Variants in TTC12 observed in about 807,000 individuals in gnomAD.
TTC12 encodes the protein tetratricopeptide repeat protein 12.
In TTC12, 70 loss-of-function variants were observed where a neutral mutation model predicts 90.1. The ratio of observed to expected loss-of-function variants is 0.78; its 90% CI spans 0.64 to 0.95. The LOEUF (loss-of-function observed/expected upper bound fraction) is 0.95. TTC12 is among the 40% of genes least tolerant of loss of function. TTC12 has a pLI of 0.00. For synonymous variants in TTC12, 296 were observed against 311.5 expected, an observed-to-expected ratio of 0.95 and a Z score of 0.53; for missense variants, 819 against 846.1, an observed-to-expected ratio of 0.97 and a Z score of 0.40.
chr11:113,359,956 T>G lies in TTC12; in HGVS notation c.1562T>G (p.Val521Gly). The G allele has an allele frequency of 6.3e-7, 1 of 1,597,340 alleles. No homozygotes were observed. Among genetic ancestry groups the G allele is most frequent in the Non-Finnish European group, 8.5e-7 (1 of 1,172,294 alleles). Reference protein sequence around the residue: ...PFVSEVWAVEVSRRCLSLLNS... With the variant: ...PFVSEVWAVEGSRRCLSLLNS... ...TTGTTGTAGGTTTGGGCTGTGGAGG[T>G]GAGCAGAAGGTGCCTGTCTTTACTA... The change falls in exon 18 of 22, where the codon GTG becomes GGG. Residue 521 changes from valine (V) to glycine (G), a missense_variant. Val to Gly is a moderately radical substitution (Grantham distance 109, BLOSUM62 -3). Transcript: ENST00000529221.
chr11:113,349,075 A>C (rs1478236881), intron 13 of TTC12, among the ~76,000 whole-genome samples: 1 of 152,240 alleles, frequency 6.6e-6, no homozygotes, highest in Non-Finnish European at 1.5e-5. Context: ...TGACCTCAGA[A>C]CTGACCACAT....
At chr11:113,333,025 G>A (rs1246747415) in intron 7 of TTC12, among the ~76,000 whole-genome samples, 5 of 152,058 alleles carry the variant, frequency 3.3e-5, no homozygotes, top group African/African-American at 1.2e-4. Flanking sequence ...CTAAGTGATT[G>A]TTCTGGTCTC....
chr11:113,349,284 T>G (rs1392095058), intron 13 of TTC12, among the ~76,000 whole-genome samples: 5 of 152,226 alleles, frequency 3.3e-5, no homozygotes, highest in Non-Finnish European at 7.3e-5. Context: ...AGACAGTTTA[T>G]CTTATTTATT....
intron 11 of TTC12, 129 bp downstream of exon 11, chr11:113,340,862 G>C (rs1271961096): frequency 8.0e-6 from 6 of 752,598 alleles, no homozygotes; most frequent in African/African-American, 1.7e-5. Context: ...GTAGTGGGGG[G>C]CTCTCCAGGA....
At chr11:113,320,627 G>C (rs1947252754) in intron 2 of TTC12, among the ~76,000 whole-genome samples, 1 of 152,224 alleles carries the variant, frequency 6.6e-6, no homozygotes, top group Non-Finnish European at 1.5e-5. Context: ...CTGGGCAAGA[G>C]CTCGGGATAC....
chr11:113,362,278 A>AT (rs1249136673), intron 18 of TTC12, 123 bp from the exon 19 acceptor site: 3 of 670,452 alleles, frequency 4.5e-6, no homozygotes, highest in South Asian at 3.8e-5. Context: ...TGGCCATCAT[A>AT]TTTTTTATAT....
intron 7 of TTC12, among the ~76,000 whole-genome samples, chr11:113,331,585 G>A (rs1555142580): frequency 6.6e-6 from 1 of 152,162 alleles, no homozygotes; most frequent in African/African-American, 2.4e-5. Flanking sequence ...TAATCCCTGG[G>A]TGTGGATGTC....
chr11:113,334,463 T>C (rs1215553824), intron 7 of TTC12, among the ~76,000 whole-genome samples: 1 of 152,128 alleles, frequency 6.6e-6, no homozygotes, highest in African/African-American at 2.4e-5. Context: ...TCCACTAAGA[T>C]ATAATGGTAA....
chr11:113,362,507 G>T lies in TTC12; in HGVS notation c.1716+5G>T, dbSNP rs1555155682. ...AAAATGATGAAATTCCTGAAGGTAAGATCACTTTATTGGTTACAACCCCTG... is the reference window on the plus strand; with the variant it reads ...AAAATGATGAAATTCCTGAAGGTAATATCACTTTATTGGTTACAACCCCTG... On this transcript the variant is annotated splice_donor_5th_base_variant and intron_variant, in intron 19 of 21. Transcript: ENST00000529221. The T allele has an allele frequency of 6.3e-7, 1 of 1,589,022 alleles. No individual in the cohort carries two copies. The highest frequency in any genetic ancestry group is 1.1e-5 in the South Asian group (1 of 90,420).
At chr11:113,359,495 G>C in intron 17 of TTC12, 34 bp downstream of exon 17, 6 of 1,425,472 alleles carry the variant, frequency 4.2e-6, no homozygotes, top group Non-Finnish European at 4.0e-6. Context: ...CTGGAGCCCT[G>C]GGACAACCTG....
At chr11:113,367,441 C>T (rs773586527), downstream of TTC12, among the ~76,000 whole-genome samples, 5 of 152,150 alleles carry the variant, frequency 3.3e-5, no homozygotes, top group South Asian at 2.1e-4. Context: ...TAAAGTACTA[C>T]GCAAATATAA....
At chr11:113,320,714 G>A (rs1390785848) in intron 2 of TTC12, among the ~76,000 whole-genome samples, 1 of 152,244 alleles carries the variant, frequency 6.6e-6, no homozygotes. Context: ...GTCGTCCGCA[G>A]ATGGCAGGGC....
intron 16 of TTC12, among the ~76,000 whole-genome samples, chr11:113,354,873 G>T (rs578188160): frequency 6.6e-6 from 1 of 150,772 alleles, no homozygotes. Context: ...ATTTTGTTGA[G>T]GATATTTGCA....
At chr11:113,364,712 G>A (rs1950111680) in intron 20 of TTC12, 123 bp from the exon 21 acceptor site, 1 of 720,524 alleles carries the variant, frequency 1.4e-6, no homozygotes, top group Non-Finnish European at 2.4e-6. Flanking sequence ...AACAAGTTCT[G>A]CTGCAGAGTT....
chr11:113,339,661 C>T (rs1948575642), intron 10 of TTC12, 187 bp downstream of exon 10: 1 of 560,592 alleles, frequency 1.8e-6, no homozygotes, highest in African/African-American at 1.9e-5. Context: ...ATCCTCTCTA[C>T]AGAGCATGCG....
At chr11:113,350,406 G>T (rs1386383320) in intron 14 of TTC12, among the ~76,000 whole-genome samples, 1 of 152,174 alleles carries the variant, frequency 6.6e-6, no homozygotes, top group Non-Finnish European at 1.5e-5. Flanking sequence ...CATACTTAAA[G>T]CAGTGCCTCT....
At chr11:113,349,278 A>T (rs1011766490) in intron 13 of TTC12, among the ~76,000 whole-genome samples, 10 of 152,198 alleles carry the variant, frequency 6.6e-5, no homozygotes, top group African/African-American at 2.4e-4. Flanking sequence ...CACCTAAGAC[A>T]GTTTATCTTA....
chr11:113,363,669 G>T (rs921018849), intron 19 of TTC12, among the ~76,000 whole-genome samples, 159 bp from the exon 20 acceptor site: 2 of 152,204 alleles, frequency 1.3e-5, no homozygotes, highest in Non-Finnish European at 2.9e-5. Context: ...TTCCAGCAGG[G>T]ACCATGCCTG....
At chr11:113,330,055 T>C (rs1341545767) in intron 7 of TTC12, 76 bp downstream of exon 7, 1 of 1,136,762 alleles carries the variant, frequency 8.8e-7, no homozygotes, top group Non-Finnish European at 1.3e-6. Context: ...TGTATCAAGA[T>C]AGGAAAGGGT....
Sources: gnomAD v4.1 joint callset for allele counts (sites outside exome capture counted in the v4.1 genomes callset) on GRCh38, gnomAD v4.1.1 for gene constraint, MANE v1.5 for transcripts, NCBI Gene and HGNC (gene_info 2026-07-23, HGNC 2026-07-21) for gene names.